PARP9: variants seen among roughly 807,000 people sequenced by gnomAD.
PARP9 encodes the protein protein mono-ADP-ribosyltransferase PARP9.
In PARP9, 48 loss-of-function variants were observed where a neutral mutation model predicts 68.8. The ratio of observed to expected loss-of-function variants is 0.70; its 90% CI spans 0.55 to 0.89. The LOEUF is 0.89. PARP9 is among the 40% of genes least tolerant of loss of function. The pLI, the probability that PARP9 is intolerant of heterozygous loss-of-function variation, is 0.00. For synonymous variants in PARP9, 309 were observed against 333.8 expected, an observed-to-expected ratio of 0.93 and a Z score of 0.81; for missense variants, 806 against 969.3, an observed-to-expected ratio of 0.83 and a Z score of 2.24.
rs542087212 is a variant in PARP9, at chr3:122,561,494, A to G, written c.-89-1785T>C. ...GAGAAACTGCTCATCAGAATCCCTC[A>G]TGTGGTTAATGCCAATGGATTATCT... On this transcript the variant is annotated intron_variant, in intron 1 of 10. Transcript: ENST00000682323. Among the ~76,000 whole-genome samples, 8 of 152,336 alleles carry G rather than the reference A, an allele frequency of 5.3e-5. No individual in the cohort carries two copies. In the South Asian group the frequency reaches 1.2e-3, roughly 24 times the overall value.
intron 10 of PARP9, chr3:122,533,521 G>T: frequency 3.8e-6 from 1 of 264,530 alleles, no homozygotes; most frequent in Non-Finnish European, 5.9e-6. Flanking sequence ...GGGGGACATC[G>T]TAGAGGAAAA....
chr3:122,543,897 C>T (rs1003854622), intron 7 of PARP9, among the ~76,000 whole-genome samples: 1 of 152,250 alleles, frequency 6.6e-6, no homozygotes, highest in Admixed American at 6.5e-5. Context: ...AGGCTTGAGC[C>T]GCCATGTCCC....
At chr3:122,538,298 G>A (rs997063439) in intron 8 of PARP9, among the ~76,000 whole-genome samples, 10 of 152,166 alleles carry the variant, frequency 6.6e-5, no homozygotes, top group African/African-American at 2.4e-4. Flanking sequence ...GGGCACTGGG[G>A]ACCCAAAGAT....
Position 122,562,178 on chromosome 3 carries a change from C to CTTTTCTTTTCTT in PARP9, c.-90+2055_-90+2066dup, listed in dbSNP as rs200567532. On this transcript the variant is annotated intron_variant, in intron 1 of 10. Coordinates refer to ENST00000682323, the MANE Select transcript of PARP9 (RefSeq NM_001146105.2). ...ATACTCTTTTCTTTTCTTTTCTTTT[C>CTTTTCTTTTCTT]TTTTCTTTTCTTTTCTTTTCTTTTC... 1.1e-3 allele frequency among the ~76,000 whole-genome samples: 152 copies of CTTTTCTTTTCTT among 143,392 alleles called. 1 individual carries two copies. The highest frequency in any genetic ancestry group is 3.7e-3 in the African/African-American group (143 of 39,162). 94.1% of individuals were successfully genotyped at this position (143,392 alleles called of 152,430 possible). A position where few individuals can be genotyped will look rare whatever the true frequency, so the allele number is the denominator to read the frequency against.
intron 5 of PARP9, among the ~76,000 whole-genome samples, chr3:122,551,060 TA>T (rs1460432233): frequency 2.0e-5 from 3 of 152,168 alleles, no homozygotes; most frequent in Non-Finnish European, 4.4e-5. Context: ...TCTCCCAGTT[TA>T]TATAGCCTTA....
intron 10 of PARP9, among the ~76,000 whole-genome samples, chr3:122,529,148 G>C (rs1208710584): frequency 1.4e-5 from 2 of 146,224 alleles, no homozygotes; most frequent in African/African-American, 5.1e-5. Context: ...TGAGGCAGGA[G>C]AATCACTTGA....
intron 8 of PARP9, among the ~76,000 whole-genome samples, chr3:122,539,524 T>TTTCTTTCC: frequency 3.1e-5 from 1 of 31,748 alleles, no homozygotes; most frequent in Non-Finnish European, 8.0e-5. Flanking sequence ...TCTTTCTTTC[T>TTTCTTTCC]TTCTTTCTTT....
intron 1 of PARP9, among the ~76,000 whole-genome samples, chr3:122,560,446 G>A (rs1430156301): frequency 6.6e-6 from 1 of 152,060 alleles, no homozygotes; most frequent in African/African-American, 2.4e-5. Context: ...GAATGCAGTG[G>A]CTCGATCTTG....
intron 10 of PARP9, chr3:122,532,026 T>G (rs1227005683): frequency 4.1e-6 from 2 of 491,438 alleles, no homozygotes; most frequent in African/African-American, 4.2e-5. Context: ...AATCTCGGAA[T>G]AAGAACAATT....
chr3:122,555,847 A>T lies in PARP9; in HGVS notation c.324T>A (p.Leu108=), dbSNP rs2079588297. Residue 108 remains leucine (L), a synonymous_variant, in exon 4 of 11, where the codon CTT becomes CTA. Coordinates refer to ENST00000682323, the MANE Select transcript of PARP9 (RefSeq NM_001146105.2). ...DAVVNAANED[L]LHGGGLALAL... ...CCAGGGCCAGGCCTCCCCCATGCAGAAGATCTTCATTGGCTGCATTCACCA... is the reference window on the plus strand; with the variant it reads ...CCAGGGCCAGGCCTCCCCCATGCAGTAGATCTTCATTGGCTGCATTCACCA... 6.2e-7 allele frequency: 1 copy of T among 1,613,962 alleles called. No individual in the cohort carries two copies. Among genetic ancestry groups the T allele is most frequent in the African/African-American group, 1.3e-5 (1 of 74,890 alleles).
intron 7 of PARP9, among the ~76,000 whole-genome samples, chr3:122,543,337 G>A (rs958349259): frequency 6.6e-6 from 1 of 151,568 alleles, no homozygotes; most frequent in Admixed American, 6.6e-5. Flanking sequence ...GAGTGCAATG[G>A]CGCAATCTTG....
chr3:122,553,658 T>C (rs1309776179), intron 4 of PARP9, among the ~76,000 whole-genome samples: 1 of 152,204 alleles, frequency 6.6e-6, no homozygotes, highest in Non-Finnish European at 1.5e-5. Flanking sequence ...CTAATTGTCT[T>C]ATAGGCAATA....
intron 10 of PARP9, chr3:122,535,189 T>C: frequency 1.0e-6 from 1 of 985,418 alleles, no homozygotes; most frequent in Non-Finnish European, 1.2e-6. Context: ...TTTTAAGACT[T>C]TGCTAATGAA....
intron 10 of PARP9, among the ~76,000 whole-genome samples, chr3:122,529,169 C>G (rs1241978628): frequency 2.1e-5 from 3 of 140,972 alleles, no homozygotes; most frequent in Non-Finnish European, 4.5e-5. Flanking sequence ...ACCCAGGAGT[C>G]GGAGGTTGTA....
intron 6 of PARP9, 42 bp downstream of exon 6, chr3:122,550,542 T>C (rs1216576634): frequency 6.9e-7 from 1 of 1,457,092 alleles, no homozygotes; most frequent in East Asian, 2.3e-5. Context: ...AATGAATGAA[T>C]GAATGAATGA....
At chr3:122,559,010 A>G (rs887900441) in intron 2 of PARP9, among the ~76,000 whole-genome samples, 2 of 152,290 alleles carry the variant, frequency 1.3e-5, no homozygotes, top group East Asian at 1.9e-4. Flanking sequence ...GCCACCGCCA[A>G]TGCATCTCAG....
At chr3:122,558,167 C>A (rs1261742918) in intron 3 of PARP9, among the ~76,000 whole-genome samples, 1 of 152,248 alleles carries the variant, frequency 6.6e-6, no homozygotes, top group Admixed American at 6.5e-5. Context: ...AGTTGGCCAC[C>A]CCATCTGGTC....
chr3:122,556,468 G>A (rs767439929), intron 3 of PARP9, among the ~76,000 whole-genome samples: 29 of 152,240 alleles, frequency 1.9e-4, no homozygotes, highest in East Asian at 7.7e-4. Flanking sequence ...TAAAAGTGGC[G>A]AGCTTAGAAA....
Position 122,536,249 on chromosome 3 carries a change from T to A in PARP9, c.1999A>T (p.Arg667Trp). Residue 667 changes from arginine (R) to tryptophan (W), a missense_variant, in exon 10 of 11, where the codon AGG becomes TGG. By Grantham distance (101) the Arg-to-Trp change is moderately radical. Around this residue, in one of 2 missense-constraint regions of PARP9, gnomAD observed 680 missense variants for 858.8 expected, o/e 0.79. Coordinates refer to ENST00000682323, the MANE Select transcript of PARP9 (RefSeq NM_001146105.2). ...TGGTATGGGACTTGCTGAAACAGCC[T>A]ATGGCTCACAGGTTGCCTGTGCAGT... The part of the protein sequence containing the change: ...EKLHRQPVSH[R>W]LFQQVPYQFC... 1 of 1,614,216 alleles carries A rather than the reference T, an allele frequency of 6.2e-7. No individual in the cohort carries two copies. The highest frequency in any genetic ancestry group is 8.5e-7 in the Non-Finnish European group (1 of 1,180,026).
Sources: allele counts gnomAD v4.1 joint callset (sites outside exome capture counted in the v4.1 genomes callset), GRCh38; gene constraint gnomAD v4.1.1; regional missense constraint gnomAD v4.1.1; transcripts MANE v1.5; gene names NCBI Gene and HGNC (gene_info 2026-07-23, HGNC 2026-07-21).